Variants in NOS1AP observed in about 807,000 individuals in gnomAD.
NOS1AP encodes carboxyl-terminal PDZ ligand of neuronal nitric oxide synthase protein.
Under a neutral mutation model 56.2 loss-of-function variants are expected in NOS1AP, and 21 were observed. The ratio of observed to expected loss-of-function variants is 0.37; its 90% confidence interval spans 0.26 to 0.54. The LOEUF (loss-of-function observed/expected upper bound fraction) is 0.54. Ranked by LOEUF, NOS1AP falls within the 20% of genes least tolerant of loss-of-function variation. The pLI is 0.84. For missense variants in NOS1AP, 522 were observed against 657.8 expected (o/e 0.79, Z 2.26); for synonymous variants, 270 against 274.6 (o/e 0.98, Z 0.17).
At chr1:162,280,840 A>G (rs866058565) in intron 2 of NOS1AP, among the ~76,000 whole-genome samples, 5 of 152,182 alleles carry the variant, frequency 3.3e-5, no homozygotes, top group Admixed American at 2.6e-4. Context: ...AAGACTCCTC[A>G]TAGATATTCT....
chr1:162,173,240 C>A (rs1650887901), intron 2 of NOS1AP, among the ~76,000 whole-genome samples: 1 of 152,148 alleles, frequency 6.6e-6, no homozygotes, highest in South Asian at 2.1e-4. Flanking sequence ...AGGTGATCTG[C>A]CTGCCTCAGC....
chr1:162,356,999 A>C lies in NOS1AP; in HGVS notation c.802A>C (p.Arg268=), dbSNP rs1315923204. Residue 268 remains arginine (R), a synonymous_variant, in exon 8 of 10, where the codon AGG becomes CGG. Coordinates refer to ENST00000361897, the MANE Select transcript of NOS1AP (RefSeq NM_014697.3). ...PQEPMLTASP[R]MLLPSSSSKP... Reference sequence around the variant, plus strand: ...GGAGCCCATGCTGACAGCCTCACCCAGGATGCTGCTCCCTTCTTCTTCCTC... The same window carrying C: ...GGAGCCCATGCTGACAGCCTCACCCCGGATGCTGCTCCCTTCTTCTTCCTC... The C allele has an allele frequency of 6.2e-7, 1 of 1,614,034 alleles. No homozygotes were observed. The highest frequency in any genetic ancestry group is 1.1e-5 in the South Asian group (1 of 91,076).
chr1:162,150,633 C>T (rs1366367507), intron 1 of NOS1AP, among the ~76,000 whole-genome samples: 1 of 152,110 alleles, frequency 6.6e-6, no homozygotes, highest in Admixed American at 6.5e-5. Flanking sequence ...TTATTATTGC[C>T]TGTCTTTTGG....
chr1:162,129,359 AC>A (rs1469021529), intron 1 of NOS1AP, among the ~76,000 whole-genome samples: 2 of 151,938 alleles, frequency 1.3e-5, no homozygotes, highest in African/African-American at 4.8e-5. Flanking sequence ...CATTTTTTAA[AC>A]CCTGATTGTT....
intron 2 of NOS1AP, among the ~76,000 whole-genome samples, chr1:162,170,807 G>C (rs190895114): frequency 1.3e-5 from 2 of 152,064 alleles, no homozygotes; most frequent in African/African-American, 4.8e-5. Flanking sequence ...CGGATATGGT[G>C]GTGTGCACCT....
chr1:162,139,921 T>G (rs1003537450), intron 1 of NOS1AP, among the ~76,000 whole-genome samples: 1 of 152,036 alleles, frequency 6.6e-6, no homozygotes, highest in African/African-American at 2.4e-5. Flanking sequence ...TCTGCCTCCC[T>G]GGTTCAAGTG....
intron 1 of NOS1AP, among the ~76,000 whole-genome samples, chr1:162,129,513 G>T (rs1184391254): frequency 6.6e-6 from 1 of 152,094 alleles, no homozygotes; most frequent in East Asian, 1.9e-4. Flanking sequence ...GTCCTAATGG[G>T]CTCAGCTCAA....
At chr1:162,103,801 T>G (rs996523284) in intron 1 of NOS1AP, among the ~76,000 whole-genome samples, 9 of 152,310 alleles carry the variant, frequency 5.9e-5, no homozygotes, top group Non-Finnish European at 1.0e-4. Flanking sequence ...CCTCCATCCC[T>G]TTATTTTGAG....
At chr1:162,081,879 C>T (rs999523093) in intron 1 of NOS1AP, among the ~76,000 whole-genome samples, 4 of 150,296 alleles carry the variant, frequency 2.7e-5, no homozygotes, top group East Asian at 3.9e-4. Context: ...GCTGGAATTA[C>T]AGGTGTGAGC....
At chr1:162,302,828 C>T (rs776800420) in intron 4 of NOS1AP, among the ~76,000 whole-genome samples, 2 of 152,200 alleles carry the variant, frequency 1.3e-5, no homozygotes, top group Non-Finnish European at 2.9e-5. Flanking sequence ...CAATCTCAAT[C>T]CCCACATCCC....
chr1:162,073,788 A>C (rs796878069), intron 1 of NOS1AP, among the ~76,000 whole-genome samples: 10 of 152,218 alleles, frequency 6.6e-5, no homozygotes, highest in African/African-American at 2.2e-4. Flanking sequence ...CTGTTTCCAG[A>C]TTTCCCTTTG....
At chr1:162,192,699 T>C (rs1027840450) in intron 2 of NOS1AP, among the ~76,000 whole-genome samples, 3 of 152,238 alleles carry the variant, frequency 2.0e-5, no homozygotes, top group Admixed American at 6.5e-5. Flanking sequence ...TTTAAATATA[T>C]GTAAATATAG....
At chr1:162,155,360 GTA>G (rs1332711124) in intron 2 of NOS1AP, among the ~76,000 whole-genome samples, 22 of 79,970 alleles carry the variant, frequency 2.8e-4, no homozygotes, top group East Asian at 1.1e-3. Flanking sequence ...ATATGTATGT[GTA>G]TATATATATA....
At chr1:162,128,950 T>A (rs1648620370) in intron 1 of NOS1AP, among the ~76,000 whole-genome samples, 1 of 152,230 alleles carries the variant, frequency 6.6e-6, no homozygotes, top group Non-Finnish European at 1.5e-5. Context: ...GAACCATTGA[T>A]TCTTTTCCCC....
intron 1 of NOS1AP, among the ~76,000 whole-genome samples, chr1:162,076,583 A>C (rs1254207185): frequency 6.6e-6 from 1 of 152,198 alleles, no homozygotes; most frequent in Non-Finnish European, 1.5e-5. Context: ...AAGAAACACT[A>C]GGCTGGGCGC....
At chr1:162,293,654 C>T (rs1655345872) in intron 3 of NOS1AP, among the ~76,000 whole-genome samples, 1 of 152,194 alleles carries the variant, frequency 6.6e-6, no homozygotes, top group African/African-American at 2.4e-5. Flanking sequence ...AGTGGTCTTA[C>T]AAAAGCATAC....
At chr1:162,130,657 G>C (rs1321399337) in intron 1 of NOS1AP, among the ~76,000 whole-genome samples, 2 of 152,180 alleles carry the variant, frequency 1.3e-5, no homozygotes, top group Non-Finnish European at 2.9e-5. Flanking sequence ...GCTTTTTATA[G>C]AGAAGAATGA....
chr1:162,086,265 G>A (rs1349545309), intron 1 of NOS1AP, among the ~76,000 whole-genome samples: 1 of 152,056 alleles, frequency 6.6e-6, no homozygotes, highest in Non-Finnish European at 1.5e-5. Context: ...GGTGGAGGGG[G>A]CAATAATAGG....
At chr1:162,186,122 T>A (rs765604484) in intron 2 of NOS1AP, among the ~76,000 whole-genome samples, 2 of 152,218 alleles carry the variant, frequency 1.3e-5, no homozygotes, top group Non-Finnish European at 2.9e-5. Flanking sequence ...CCTGGTGTGA[T>A]GGATCTATAT....
Sources: gnomAD v4.1 joint callset for allele counts (sites outside exome capture counted in the v4.1 genomes callset) on GRCh38, gnomAD v4.1.1 for gene constraint, MANE v1.5 for transcripts, NCBI Gene and HGNC (gene_info 2026-07-23, HGNC 2026-07-21) for gene names.